Variants in SAMD4B observed in about 807,000 individuals in gnomAD.
The protein encoded by SAMD4B is sterile alpha motif domain containing 4B, also known as protein Smaug homolog 2.
A neutral mutation model predicts 74.5 loss-of-function variants in SAMD4B; 5 were observed. The observed-to-expected ratio is 0.07, with a 90% CI of 0.04 to 0.14. The LOEUF (loss-of-function observed/expected upper bound fraction) is 0.14, where lower values mean the gene tolerates loss of function less well. Among genes scored for constraint, SAMD4B ranks in the 10% least tolerant of loss-of-function variants. SAMD4B has a pLI of 1.00. For synonymous variants in SAMD4B, 373 were observed against 374.9 expected (o/e 1.00, Z 0.06); for missense variants, 608 against 921.8 (o/e 0.66, Z 4.41).
At chr19:39,344,414 A>G (rs2075563414) in intron 1 of SAMD4B, among the ~76,000 whole-genome samples, 1 of 152,154 alleles carries the variant, frequency 6.6e-6, no homozygotes, top group Admixed American at 6.5e-5. Context: ...CTCCAGGACC[A>G]GTCTCAGAAG....
At position 39,381,042 on chromosome 19, in the gene SAMD4B, G is replaced by A. The variant is rs748607468; in HGVS notation, c.1901G>A (p.Arg634His). ...GGSNSMPSQSRSSVQRTHSLP... is the reference protein window; with the variant it reads ...GGSNSMPSQSHSSVQRTHSLP... ...AGCAACAGCATGCCCAGTCAGAGCC[G>A]CAGCTCTGTGCAGCGCACCCACTCG... Residue 634 changes from arginine to histidine, a missense_variant, in exon 12 of 14, where the codon CGC (arginine) becomes CAC (histidine). Arg to His is a conservative substitution (Grantham distance 29). This residue lies in a region of SAMD4B where 167 missense variants were observed against 193.0 expected (regional missense o/e 0.87). Transcript: ENST00000610417. 6.8e-6 allele frequency: 11 copies of A among 1,612,718 alleles called. No individual in the cohort carries two copies. The highest frequency in any genetic ancestry group is 1.1e-5 in the South Asian group (1 of 91,000).
At position 39,376,665 on chromosome 19, in the gene SAMD4B, C is replaced by T. The variant is rs1442363828; in HGVS notation, c.1018-40C>T. The stretch of plus-strand genomic sequence containing the variant: ...TGGGTACCCCCAAATATCTCAGCCT[C>T]ACATCTCTAGCTTCCTGTCCCCTTC... On this transcript the variant is annotated intron_variant, in intron 6 of 13. Transcript: ENST00000610417. The T allele has an allele frequency of 1.9e-6, 3 of 1,603,716 alleles. No individual in the cohort carries two copies. The Admixed American group carries it at 5.0e-5, about 27-fold the overall frequency.
At chr19:39,386,336 C>G, downstream of SAMD4B, 2 of 1,614,224 alleles carry the variant, frequency 1.2e-6, no homozygotes, top group Non-Finnish European at 1.7e-6. This position sits in a 1 kb window ranked among gnomAD's most constrained non-coding sequence, Gnocchi z 6.1. Context: ...CCCGTTCACT[C>G]TCGCTGCCCG....
rs981963012 is a variant in SAMD4B, at chr19:39,383,225, C to A, written c.1990C>A (p.Pro664Thr). 1.2e-6 allele frequency: 2 copies of A among 1,614,114 alleles called. No individual in the cohort carries two copies. Among genetic ancestry groups the A allele is most frequent in the Non-Finnish European group, 1.7e-6 (2 of 1,179,994 alleles). ...MFPPDCPVPG[P>T]DLEINPTLES... ...CCACCCAGACTGCCCGGTTCCTGGG[C>A]CTGACCTGGAGATCAATCCCACTCT... The change falls in exon 13 of 14, where the codon CCT becomes ACT. Residue 664 changes from proline (P) to threonine (T), a missense_variant. Pro to Thr is a conservative substitution (Grantham distance 38). Coordinates refer to ENST00000610417, the MANE Select transcript of SAMD4B (RefSeq NM_001384574.2). The surrounding 1 kb of genome is among the most constrained non-coding windows in gnomAD (Gnocchi z 4.1).
In SAMD4B at chr19:39,378,531, C is replaced by G; in HGVS notation, c.1472C>G (p.Pro491Arg). Reference sequence around the variant, plus strand: ...TGCACCCAACTGCTGGTGTCCCGACCAGACGAGGAGAACATCACCAGTTAC... The same window carrying G: ...TGCACCCAACTGCTGGTGTCCCGACGAGACGAGGAGAACATCACCAGTTAC... ...KVCTQLLVSR[P>R]DEENITSYLQ... Residue 491 changes from proline to arginine, a missense_variant, in exon 9 of 14, where the codon CCA (proline) becomes CGA (arginine). Around this residue, in one of 9 missense-constraint regions of SAMD4B, gnomAD observed 27 missense variants for 48.6 expected, o/e 0.56. Coordinates refer to ENST00000610417, the MANE Select transcript of SAMD4B (RefSeq NM_001384574.2). This position sits in a 1 kb window ranked among gnomAD's most constrained non-coding sequence, Gnocchi z 4.4. 6.2e-7 allele frequency: 1 copy of G among 1,614,042 alleles called. No homozygotes were observed. Among genetic ancestry groups the G allele is most frequent in the Non-Finnish European group, 8.5e-7 (1 of 1,179,960 alleles).
At position 39,378,532 on chromosome 19, in the gene SAMD4B, A is replaced by G. The variant is rs762520020; in HGVS notation, c.1473A>G (p.Pro491=). ...KVCTQLLVSR[P]DEENITSYLQ... ...GCACCCAACTGCTGGTGTCCCGACC[A>G]GACGAGGAGAACATCACCAGTTACC... Residue 491 remains proline (P), a synonymous_variant, in exon 9 of 14, where the codon CCA becomes CCG. Coordinates refer to ENST00000610417, the MANE Select transcript of SAMD4B (RefSeq NM_001384574.2). This position sits in a 1 kb window ranked among gnomAD's most constrained non-coding sequence, Gnocchi z 4.4. 6.2e-7 allele frequency: 1 copy of G among 1,614,090 alleles called. No homozygotes were observed. The highest frequency in any genetic ancestry group is 1.1e-5 in the South Asian group (1 of 91,080).
chr19:39,379,079 C>T (rs1300831152), intron 9 of SAMD4B, among the ~76,000 whole-genome samples: 3 of 150,766 alleles, frequency 2.0e-5, no homozygotes, highest in Non-Finnish European at 2.9e-5. Flanking sequence ...TTAATAGAGA[C>T]GAGGTCTCAC....
chr19:39,369,937 C>G lies in SAMD4B; in HGVS notation c.479C>G (p.Ser160Cys), dbSNP rs1264723163. Reference protein sequence around the residue: ...LEERLASGFRSRPEPSYHSRQ... With the variant: ...LEERLASGFRCRPEPSYHSRQ... ...GAGCGGTTGGCTAGTGGCTTCCGCT[C>G]CCGGCCAGAGCCCTCCTACCATTCA... The change falls in exon 4 of 14, where the codon TCC becomes TGC. Residue 160 changes from serine (S) to cysteine (C), a missense_variant. Physicochemically the swap from Ser to Cys is moderately radical, Grantham distance 112 (BLOSUM62 -1). Around this residue, in one of 9 missense-constraint regions of SAMD4B, gnomAD observed 153 missense variants for 153.0 expected, o/e 1.00. Coordinates refer to ENST00000610417, the MANE Select transcript of SAMD4B (RefSeq NM_001384574.2). 1 of 1,614,018 alleles carries G rather than the reference C, an allele frequency of 6.2e-7. No individual in the cohort carries two copies. The highest frequency in any genetic ancestry group is 1.3e-5 in the African/African-American group (1 of 75,034).
Position 39,377,642 on chromosome 19 carries a change from C to T in SAMD4B, c.1262C>T (p.Pro421Leu). Reference protein sequence around the residue: ...KDGAPGEPPLPGAEPPLAHPG... With the variant: ...KDGAPGEPPLLGAEPPLAHPG... The stretch of plus-strand genomic sequence containing the variant: ...GGGGCCCCGGGGGAACCACCGCTGC[C>T]AGGTGCTGAGCCTCCCCTAGCCCAC... Residue 421 changes from proline to leucine, a missense_variant, in exon 8 of 14, where the codon CCA (proline) becomes CTA (leucine). This residue lies in a region of SAMD4B where 99 missense variants were observed against 112.1 expected (regional missense o/e 0.88). Coordinates refer to ENST00000610417, the MANE Select transcript of SAMD4B (RefSeq NM_001384574.2). 3 of 1,614,118 alleles carry T rather than the reference C, an allele frequency of 1.9e-6. No individual in the cohort carries two copies. The highest frequency in any genetic ancestry group is 2.5e-6 in the Non-Finnish European group (3 of 1,179,994).
downstream of SAMD4B, chr19:39,386,671 C>T: frequency 1.3e-6 from 2 of 1,599,664 alleles, no homozygotes; most frequent in Middle Eastern, 1.7e-4. This position sits in a 1 kb window ranked among gnomAD's most constrained non-coding sequence, Gnocchi z 6.1. Flanking sequence ...CCATGGGTGC[C>T]CTGAGCCAGT....
At chr19:39,343,991 C>CACA (rs111928210) in intron 1 of SAMD4B, among the ~76,000 whole-genome samples, 2,826 of 95,920 alleles carry the variant, frequency 0.029, 63 homozygotes, top group Middle Eastern at 0.045. Context: ...GACCCCCCCC[C>CACA]CCCACACACA....
At chr19:39,349,381 G>A (rs2075889666) in intron 1 of SAMD4B, among the ~76,000 whole-genome samples, 1 of 152,174 alleles carries the variant, frequency 6.6e-6, no homozygotes. Context: ...GTGGGAGGAA[G>A]AATGCTAGCT....
chr19:39,369,906 C>G lies in SAMD4B; in HGVS notation c.448C>G (p.Leu150Val). 1.2e-6 allele frequency: 2 copies of G among 1,614,238 alleles called. No individual in the cohort carries two copies. Among genetic ancestry groups the G allele is most frequent in the East Asian group, 4.5e-5 (2 of 44,884 alleles). Residue 150 changes from leucine to valine, a missense_variant, in exon 4 of 14, where the codon CTG becomes GTG. By Grantham distance (32) the Leu-to-Val change is conservative. Transcript: ENST00000610417. ...CGCACTGGCCCTCTGGCTGAGCCAC[C>G]TGGAAGAGCGGTTGGCTAGTGGCTT... ...RNALALWLSH[L>V]EERLASGFRS...
chr19:39,374,271 AAAATC>A (rs1600573061), intron 4 of SAMD4B, among the ~76,000 whole-genome samples: 1 of 152,116 alleles, frequency 6.6e-6, no homozygotes. Context: ...CTCAAAAAAA[AAAATC>A]AAGTTGGATT....
intron 3 of SAMD4B, among the ~76,000 whole-genome samples, chr19:39,360,349 G>T (rs959324296): frequency 1.3e-5 from 2 of 152,130 alleles, no homozygotes; most frequent in African/African-American, 4.8e-5. Flanking sequence ...GCTGTGAAAT[G>T]AATTGAATGA....
chr19:39,346,687 G>A (rs1337148323), intron 1 of SAMD4B, among the ~76,000 whole-genome samples: 1 of 152,182 alleles, frequency 6.6e-6, no homozygotes, highest in East Asian at 1.9e-4. Flanking sequence ...CAAGATGGTA[G>A]TGCCTTGGGT....
rs1295152993 is a variant in SAMD4B, at chr19:39,375,566, C to T, written c.668-84C>T. The T allele has an allele frequency of 1.3e-6, 2 of 1,529,328 alleles. No individual in the cohort carries two copies. The highest frequency in any genetic ancestry group is 1.8e-6 in the Non-Finnish European group (2 of 1,129,892). The allele number at this position is 1,529,328 out of a possible 1,614,324, so 94.7% of individuals were successfully genotyped here. On this transcript the variant is annotated intron_variant, in intron 4 of 13. Transcript: ENST00000610417. The surrounding 1 kb of genome is among the most constrained non-coding windows in gnomAD (Gnocchi z 4.1). ...TTGGCAGGTTATGGGGCCAAACTGCCATCCTGGCACTGACGGCAGGGGGAT... is the reference window on the plus strand; with the variant it reads ...TTGGCAGGTTATGGGGCCAAACTGCTATCCTGGCACTGACGGCAGGGGGAT...
intron 4 of SAMD4B, 118 bp downstream of exon 4, chr19:39,370,243 T>TTTATGA (rs1222873025): frequency 1.0e-6 from 1 of 968,410 alleles, no homozygotes; most frequent in East Asian, 2.6e-5. Context: ...AGGCCTCAAC[T>TTTATGA]TTATGAGGCA....
downstream of SAMD4B, chr19:39,389,905 G>T: frequency 8.4e-7 from 1 of 1,192,234 alleles, no homozygotes; most frequent in Non-Finnish European, 1.2e-6. This position sits in a 1 kb window ranked among gnomAD's most constrained non-coding sequence, Gnocchi z 5.3. Context: ...TCCCCAGTGG[G>T]AAGGGACTTG....
Sources: allele counts gnomAD v4.1 joint callset (sites outside exome capture counted in the v4.1 genomes callset), GRCh38; gene constraint gnomAD v4.1.1; regional missense constraint gnomAD v4.1.1; non-coding constraint Gnocchi (gnomAD v3.1); transcripts MANE v1.5; gene names NCBI Gene and HGNC (gene_info 2026-07-23, HGNC 2026-07-21).